FAM120C: variants seen among roughly 807,000 people sequenced by gnomAD.
FAM120C encodes constitutive coactivator of PPAR-gamma-like protein 2.
Under a neutral mutation model 71.2 loss-of-function variants are expected in FAM120C, and 14 were observed. The observed-to-expected ratio is 0.20, with a 90% CI of 0.13 to 0.31. The LOEUF (loss-of-function observed/expected upper bound fraction) is 0.31. FAM120C is among the 10% of genes least tolerant of loss of function. FAM120C has a pLI of 1.00. For synonymous variants in FAM120C, 354 were observed against 353.2 expected (o/e 1.00, Z -0.03); for missense variants, 500 against 879.0 (o/e 0.57, Z 5.45).
intron 9 of FAM120C, among the ~76,000 whole-genome samples, chrX:54,117,670 C>G (rs1233377996): frequency 2.8e-5 from 3 of 108,393 alleles, no homozygotes; most frequent in African/African-American, 1.0e-4. Context: ...CGCACTGCAG[C>G]CTGGGCGACA....
intron 12 of FAM120C, among the ~76,000 whole-genome samples, 189 bp downstream of exon 12, chrX:54,087,566 A>C (rs1296576996): frequency 9.0e-6 from 1 of 111,155 alleles, no homozygotes; most frequent in Non-Finnish European, 1.9e-5. Flanking sequence ...TTCCAACATA[A>C]AATTTTACAA....
chrX:54,069,864 G>C lies in FAM120C; in HGVS notation c.*3169C>G, dbSNP rs1442296612. ...TAAGTAAGAGTAGGAGTTATAAGCT[G>C]ATCCCAAGACACACCAGCAGAAATA... On this transcript the variant is annotated 3_prime_UTR_variant, in exon 16 of 16. Coordinates refer to ENST00000375180, the MANE Select transcript of FAM120C (RefSeq NM_017848.6). 2 of 111,675 alleles carry C rather than the reference G, an allele frequency of 1.8e-5. No homozygotes were observed. The highest frequency in any genetic ancestry group is 3.8e-5 in the Non-Finnish European group (2 of 53,126). The allele number at this position is 111,675 out of a possible 1,213,427, so 9.2% of individuals were successfully genotyped here.
At chrX:54,140,312 G>T (rs184049271) in intron 4 of FAM120C, among the ~76,000 whole-genome samples, 9 of 102,867 alleles carry the variant, frequency 8.7e-5, no homozygotes, top group African/African-American at 3.2e-4. Flanking sequence ...AAAAGAAAAA[G>T]AAAAAAGAAA....
chrX:54,180,898 TAAC>T (rs1382914117), intron 1 of FAM120C, among the ~76,000 whole-genome samples: 1 of 111,030 alleles, frequency 9.0e-6, no homozygotes, highest in Non-Finnish European at 1.9e-5. Context: ...ACCAGGTTAA[TAAC>T]AACGAGGTTA....
At chrX:54,117,592 G>T (rs1440657915) in intron 9 of FAM120C, among the ~76,000 whole-genome samples, 1 of 106,845 alleles carries the variant, frequency 9.4e-6, no homozygotes, top group African/African-American at 3.4e-5. Context: ...CAGCTACTCT[G>T]GAGGCAGAGG....
chrX:54,071,716 T>C lies in FAM120C; in HGVS notation c.*1317A>G, dbSNP rs1410118556. 1 of 111,884 alleles carries C rather than the reference T, an allele frequency of 8.9e-6. No individual in the cohort carries two copies. Among genetic ancestry groups the C allele is most frequent in the Non-Finnish European group, 1.9e-5 (1 of 53,162 alleles). 9.2% of individuals were successfully genotyped at this position (111,884 alleles called of 1,213,427 possible). A position where few individuals can be genotyped will look rare whatever the true frequency, so the allele number is the denominator to read the frequency against. On this transcript the variant is annotated 3_prime_UTR_variant, in exon 16 of 16. Coordinates refer to ENST00000375180, the MANE Select transcript of FAM120C (RefSeq NM_017848.6). ...TGGGATGTGAGGGCTCTGTTCAAGA[T>C]TAAGCTTGTAACAACCCAAGAGTTT...
chrX:54,095,802 AT>A, intron 10 of FAM120C, among the ~76,000 whole-genome samples: 1 of 109,792 alleles, frequency 9.1e-6, no homozygotes, highest in South Asian at 4.0e-4. Context: ...GATTACAGGC[AT>A]GCACCACCAT....
chrX:54,177,980 C>T (rs2067327401), intron 1 of FAM120C, among the ~76,000 whole-genome samples: 1 of 111,855 alleles, frequency 8.9e-6, no homozygotes, highest in African/African-American at 3.2e-5. Flanking sequence ...AATGGAAATG[C>T]ATGTGGCAGC....
chrX:54,083,464 C>CACACACAT (rs1569531494), intron 13 of FAM120C, among the ~76,000 whole-genome samples: 5 of 107,305 alleles, frequency 4.7e-5, no homozygotes, highest in Non-Finnish European at 9.6e-5. Context: ...CACACACACA[C>CACACACAT]ACACACACAC....
At chrX:54,129,668 C>T (rs1166694822) in intron 9 of FAM120C, among the ~76,000 whole-genome samples, 4 of 112,115 alleles carry the variant, frequency 3.6e-5, no homozygotes, top group African/African-American at 9.7e-5. Context: ...CCAAGGCAGG[C>T]GGCTGGGAGG....
At chrX:54,117,653 A>C in intron 9 of FAM120C, among the ~76,000 whole-genome samples, 1 of 108,406 alleles carries the variant, frequency 9.2e-6, no homozygotes, top group South Asian at 4.0e-4. Flanking sequence ...AGCCAAGATC[A>C]AGTCACCGCA....
chrX:54,159,668 TAGA>T, intron 1 of FAM120C, 52 bp from the exon 2 acceptor site: 8 of 1,178,567 alleles, frequency 6.8e-6, no homozygotes, highest in Non-Finnish European at 8.0e-6. Context: ...TTTGTATTGT[TAGA>T]AGGTCAGGAG....
At chrX:54,115,783 T>C (rs1368594918) in intron 10 of FAM120C, among the ~76,000 whole-genome samples, 1 of 111,123 alleles carries the variant, frequency 9.0e-6, no homozygotes, top group Non-Finnish European at 1.9e-5. Context: ...AAAAATAATA[T>C]TGAGTGAAAA....
intron 12 of FAM120C, among the ~76,000 whole-genome samples, chrX:54,086,591 T>C (rs781992799): frequency 9.2e-6 from 1 of 108,538 alleles, no homozygotes; most frequent in East Asian, 2.9e-4. Context: ...CCATCTTTAC[T>C]AAAAATACAA....
At position 54,070,188 on chromosome X, in the gene FAM120C, G is replaced by A. The variant is rs1216449911; in HGVS notation, c.*2845C>T. ...TTTTGTCAGATAAATAAAAATCTAG[G>A]AATATGGCCATTTATGGTTCCTTCT... On this transcript the variant is annotated 3_prime_UTR_variant, in exon 16 of 16. Coordinates refer to ENST00000375180, the MANE Select transcript of FAM120C (RefSeq NM_017848.6). The A allele has an allele frequency of 8.9e-6, 1 of 111,760 alleles. No individual in the cohort carries two copies. The highest frequency in any genetic ancestry group is 3.3e-5 in the African/African-American group (1 of 30,762). The allele number at this position is 111,760 out of a possible 1,213,427, so 9.2% of individuals were successfully genotyped here.
At chrX:54,111,435 A>T (rs1189891675) in intron 10 of FAM120C, among the ~76,000 whole-genome samples, 1 of 111,132 alleles carries the variant, frequency 9.0e-6, no homozygotes, top group Non-Finnish European at 1.9e-5. Context: ...TGAACCCAGT[A>T]AAGTGTCAGG....
rs1187381929 is a variant in FAM120C at position 54,118,699 on chromosome X, CTTTTTTTTTTTTTTTTTTT to C, written c.2063-1924_2063-1906del. ...TTTTAATTTGTATTTTTCTTTTTTT[CTTTTTTTTTTTTTTTTTTT>C]TTTTTTTAATTATACTCTAAGTTTT... On this transcript the variant is annotated intron_variant, in intron 9 of 15. Transcript: ENST00000375180. 2.2e-4 allele frequency among the ~76,000 whole-genome samples: 7 copies of C among 31,730 alleles called. No individual in the cohort carries two copies. In the South Asian group the frequency reaches 0.014, roughly 61 times the overall value. The allele number at this position is 31,730 out of a possible 115,157, so 27.6% of individuals were successfully genotyped here.
At chrX:54,089,550 C>G (rs2066812728) in intron 11 of FAM120C, among the ~76,000 whole-genome samples, 1 of 112,011 alleles carries the variant, frequency 8.9e-6, no homozygotes, top group Non-Finnish European at 1.9e-5. Flanking sequence ...TTTTGCAAGT[C>G]TTATTGAACT....
At chrX:54,082,022 A>G (rs2066768370) in intron 13 of FAM120C, among the ~76,000 whole-genome samples, 1 of 108,219 alleles carries the variant, frequency 9.2e-6, no homozygotes, top group African/African-American at 3.4e-5. Context: ...GCCTCTACTA[A>G]AAATACAAAA....
Sources: allele counts gnomAD v4.1 joint callset (sites outside exome capture counted in the v4.1 genomes callset), GRCh38; gene constraint gnomAD v4.1.1; transcripts MANE v1.5; gene names NCBI Gene and HGNC (gene_info 2026-07-23, HGNC 2026-07-21).